ABR: variants seen among roughly 807,000 people sequenced by gnomAD.
The protein encoded by ABR is ABR activator of RhoGEF and GTPase, also known as active breakpoint cluster region-related protein.
Under a neutral mutation model 107.2 loss-of-function variants are expected in ABR, and 35 were observed. The ratio of observed to expected loss-of-function variants is 0.33; its 90% CI spans 0.25 to 0.43. The LOEUF is 0.43. Ranked by LOEUF, ABR falls within the 20% of genes least tolerant of loss-of-function variation. The pLI is 1.00. For synonymous variants in ABR, 498 were observed against 462.0 expected, an observed-to-expected ratio of 1.08 and a Z score of -1.00; for missense variants, 815 against 1,115.2, an observed-to-expected ratio of 0.73 and a Z score of 3.83.
chr17:1,045,431 TCTTCTTACAGCAGGACAATCTTCC>T (rs1567642683), intron 16 of ABR, among the ~76,000 whole-genome samples: 11 of 151,476 alleles, frequency 7.3e-5, no homozygotes, highest in African/African-American at 1.7e-4. Flanking sequence ...CAATCTTCCG[TCTTCTTACAGCAGGACAATCTTCC>T]GTCTTCTTAC....
chr17:1,067,366 G>A (rs538871377), intron 9 of ABR, 124 bp from the exon 10 acceptor site: 7 of 905,628 alleles, frequency 7.7e-6, no homozygotes, highest in Admixed American at 3.1e-5. Context: ...AAGCAAGAAC[G>A]ATCCCTGCTC....
At chr17:1,103,709 C>G (rs1394353477) in intron 2 of ABR, among the ~76,000 whole-genome samples, 1 of 152,180 alleles carries the variant, frequency 6.6e-6, no homozygotes, top group Non-Finnish European at 1.5e-5. Context: ...CAAGAGGCAA[C>G]AGTCAGCCCC....
chr17:1,079,038 A>G (rs1597713119), intron 6 of ABR: 3 of 974,918 alleles, frequency 3.1e-6, no homozygotes, highest in South Asian at 2.0e-5. Context: ...TGGCGAGGAG[A>G]GGAGGGAAGG....
chr17:1,147,874 A>T (rs1007192030), intron 1 of ABR, among the ~76,000 whole-genome samples: 1 of 152,178 alleles, frequency 6.6e-6, no homozygotes, highest in Admixed American at 6.5e-5. Flanking sequence ...AGAAGCAGAA[A>T]CCCAGCACCC....
At chr17:1,125,070 A>G in intron 2 of ABR, 113 bp downstream of exon 2, 1 of 1,144,678 alleles carries the variant, frequency 8.7e-7, no homozygotes, top group East Asian at 2.5e-5. Context: ...GGCCAGGTCC[A>G]AACGTCTCCA....
chr17:1,205,499 C>T (rs924923265), intron 1 of ABR, among the ~76,000 whole-genome samples: 1 of 152,068 alleles, frequency 6.6e-6, no homozygotes, highest in African/African-American at 2.4e-5. Flanking sequence ...ATTTCAGTAG[C>T]GTTTGAATCT....
At chr17:1,160,266 C>A (rs2041235495) in intron 1 of ABR, among the ~76,000 whole-genome samples, 1 of 132,106 alleles carries the variant, frequency 7.6e-6, no homozygotes, top group African/African-American at 3.0e-5. Flanking sequence ...AAACAAAAAA[C>A]AATAACAAAA....
chr17:1,019,777 C>T (rs1012306763), intron 16 of ABR, among the ~76,000 whole-genome samples: 13 of 152,246 alleles, frequency 8.5e-5, no homozygotes, highest in African/African-American at 2.7e-4. Flanking sequence ...GCCCCTGGGA[C>T]GTTGGTGGAT....
intron 16 of ABR, chr17:1,031,885 T>TCCCTCCCTCCCTCCCCGCGCTC: frequency 4.1e-6 from 4 of 983,824 alleles, no homozygotes; most frequent in South Asian, 1.2e-4. Flanking sequence ...CTCCCCTCCC[T>TCCCTCCCTCCCTCCCCGCGCTC]CCCTCCCTCC....
intron 1 of ABR, among the ~76,000 whole-genome samples, chr17:1,175,472 C>T (rs997299954): frequency 2.0e-5 from 3 of 152,172 alleles, no homozygotes; most frequent in Non-Finnish European, 4.4e-5. Flanking sequence ...AGGTAAGGTA[C>T]TGAGGGGTGA....
intron 9 of ABR, 143 bp from the exon 10 acceptor site, chr17:1,067,385 CCTG>C: frequency 2.4e-6 from 2 of 841,900 alleles, no homozygotes; most frequent in Non-Finnish European, 3.5e-6. Flanking sequence ...TCCTGAGGAG[CCTG>C]ATTGGGAAAC....
intron 21 of ABR, 56 bp downstream of exon 21, chr17:1,009,623 G>A (rs920907791): frequency 1.8e-5 from 27 of 1,523,178 alleles, no homozygotes; most frequent in Middle Eastern, 3.4e-4. Context: ...GCCCCTCCCC[G>A]TTACCTTTTC....
intron 14 of ABR, chr17:1,055,344 G>C (rs972634506): frequency 6.6e-6 from 1 of 152,282 alleles, no homozygotes; most frequent in Non-Finnish European, 1.5e-5. Flanking sequence ...GCACACACAC[G>C]ATCATATCCC....
chr17:1,085,288 A>ATT (rs573052894), intron 4 of ABR, among the ~76,000 whole-genome samples: 2 of 144,776 alleles, frequency 1.4e-5, no homozygotes, highest in Non-Finnish European at 3.0e-5. Context: ...AATTTTTTGT[A>ATT]TTTTTTTTTA....
chr17:1,035,779 G>A (rs2073141955), intron 16 of ABR, among the ~76,000 whole-genome samples: 1 of 149,038 alleles, frequency 6.7e-6, no homozygotes, highest in African/African-American at 2.5e-5. Flanking sequence ...TCCTCCCTCA[G>A]CCCCTCCCCA....
At chr17:1,145,440 C>A (rs958566231) in intron 1 of ABR, among the ~76,000 whole-genome samples, 2 of 152,216 alleles carry the variant, frequency 1.3e-5, no homozygotes, top group African/African-American at 4.8e-5. Flanking sequence ...CTCTGCTCTT[C>A]CTCCTGTCTT....
intron 1 of ABR, among the ~76,000 whole-genome samples, chr17:1,175,733 G>A (rs1355734442): frequency 6.6e-6 from 1 of 152,166 alleles, no homozygotes; most frequent in Non-Finnish European, 1.5e-5. Context: ...CCAAACCTGT[G>A]ATGGAAGTGG....
intron 1 of ABR, among the ~76,000 whole-genome samples, chr17:1,159,847 G>T (rs1046688761): frequency 5.3e-5 from 8 of 152,360 alleles, no homozygotes; most frequent in East Asian, 3.9e-4. Context: ...CCTTGGTCGT[G>T]GGTCCACGAT....
intron 2 of ABR, among the ~76,000 whole-genome samples, chr17:1,118,797 TC>T: frequency 4.2e-3 from 1 of 236 alleles, no homozygotes; most frequent in African/African-American, 0.029. Flanking sequence ...GAGCCTGAGT[TC>T]CTCCCAGCGT....
Sources: allele counts gnomAD v4.1 joint callset (sites outside exome capture counted in the v4.1 genomes callset), GRCh38; gene constraint gnomAD v4.1.1; transcripts MANE v1.5; gene names NCBI Gene and HGNC (gene_info 2026-07-23, HGNC 2026-07-21).